Variants in MAST4 observed in about 807,000 individuals in gnomAD.
MAST4 encodes the protein microtubule-associated serine/threonine-protein kinase 4.
MAST4 carries 89 observed loss-of-function variants against 162.7 expected under a neutral mutation model. The ratio of observed to expected loss-of-function variants is 0.55; its 90% confidence interval spans 0.46 to 0.65. The LOEUF is 0.65. MAST4 is among the 30% of genes least tolerant of loss of function. The pLI is 0.00. For missense variants in MAST4, 3,153 were observed against 3,374.0 expected (o/e 0.93, Z 1.62); for synonymous variants, 1,479 against 1,361.1 (o/e 1.09, Z -1.91).
At chr5:66,794,803 T>C (rs1755572165) in intron 3 of MAST4, among the ~76,000 whole-genome samples, 1 of 152,208 alleles carries the variant, frequency 6.6e-6, no homozygotes, top group African/African-American at 2.4e-5. Flanking sequence ...ATCGTATACG[T>C]TTCTTTCAAT....
chr5:66,960,543 C>T (rs1243006577), intron 4 of MAST4, among the ~76,000 whole-genome samples: 1 of 151,884 alleles, frequency 6.6e-6, no homozygotes, highest in African/African-American at 2.4e-5. Context: ...TGCACTCATT[C>T]TTCTACTTAA....
intron 3 of MAST4, among the ~76,000 whole-genome samples, chr5:66,858,222 C>G (rs1759830496): frequency 6.6e-6 from 1 of 152,178 alleles, no homozygotes; most frequent in Non-Finnish European, 1.5e-5. Context: ...CCAGGCTGGT[C>G]TCAAACTCCT....
chr5:66,948,468 A>T (rs528654428), intron 4 of MAST4, among the ~76,000 whole-genome samples: 1 of 152,224 alleles, frequency 6.6e-6, no homozygotes, highest in East Asian at 1.9e-4. Flanking sequence ...TGAAACCCAG[A>T]GCCTTTTGTT....
chr5:66,964,345 A>G (rs1162621471), intron 4 of MAST4, among the ~76,000 whole-genome samples: 1 of 152,234 alleles, frequency 6.6e-6, no homozygotes, highest in Non-Finnish European at 1.5e-5. Flanking sequence ...ATAGTTTGTT[A>G]TAAGAATACA....
chr5:67,149,596 A>G lies in MAST4; in HGVS notation c.3295+7A>G, dbSNP rs774622047. 28 of 1,612,636 alleles carry G rather than the reference A, an allele frequency of 1.7e-5. 1 individual carries two copies. The Middle Eastern group carries it at 6.6e-4, about 38-fold the overall frequency. On this transcript the variant is annotated splice_region_variant and intron_variant, in intron 24 of 28. Transcript: ENST00000403625. ...TCCCTCATGATCCCAGGAGGTAGAG[A>G]GATACTACTTGCATGAAATTGTGTG...
At chr5:66,881,716 T>C (rs1194775222) in intron 3 of MAST4, among the ~76,000 whole-genome samples, 3 of 152,168 alleles carry the variant, frequency 2.0e-5, no homozygotes, top group Admixed American at 6.5e-5. Flanking sequence ...AATTTAAAGG[T>C]GAAAAGATCA....
chr5:66,942,559 G>C (rs751284501), intron 4 of MAST4, among the ~76,000 whole-genome samples: 2 of 152,136 alleles, frequency 1.3e-5, no homozygotes, highest in African/African-American at 2.4e-5. Context: ...CATGCAGTGT[G>C]AAATATCACT....
chr5:66,992,354 C>T (rs895779700), intron 4 of MAST4, among the ~76,000 whole-genome samples: 10 of 152,174 alleles, frequency 6.6e-5, no homozygotes, highest in Non-Finnish European at 1.5e-5. Context: ...CGCATCTTCA[C>T]TTCCGGTTTT....
intron 1 of MAST4, among the ~76,000 whole-genome samples, chr5:66,626,129 A>G (rs1017531327): frequency 6.6e-5 from 8 of 120,830 alleles, no homozygotes; most frequent in Admixed American, 8.1e-5. Context: ...ATGGGATGAT[A>G]TTAGTCAAAG....
At chr5:67,077,800 A>G (rs116838254) in intron 5 of MAST4, among the ~76,000 whole-genome samples, 1,660 of 152,310 alleles carry the variant, frequency 0.011, 27 homozygotes, top group African/African-American at 0.038. Flanking sequence ...GAATTAAACC[A>G]TAAAAGTACT....
At chr5:66,789,673 C>T (rs1755293390) in intron 3 of MAST4, 1 of 515,904 alleles carries the variant, frequency 1.9e-6, no homozygotes, top group Non-Finnish European at 3.9e-6. Context: ...CCATCTGCCC[C>T]TCTCTGTGAT....
intron 1 of MAST4, among the ~76,000 whole-genome samples, chr5:66,692,230 C>T (rs1404583647): frequency 6.6e-6 from 1 of 152,118 alleles, no homozygotes; most frequent in Non-Finnish European, 1.5e-5. Flanking sequence ...GAGAAGCATC[C>T]CAAGAGTTAT....
At chr5:66,626,178 G>C (rs1030245655) in intron 1 of MAST4, among the ~76,000 whole-genome samples, 2 of 152,080 alleles carry the variant, frequency 1.3e-5, no homozygotes, top group African/African-American at 2.4e-5. Context: ...AAGTTCTGAA[G>C]ATCTAATGTA....
At chr5:67,103,162 A>G (rs1765215630) in intron 9 of MAST4, among the ~76,000 whole-genome samples, 1 of 152,182 alleles carries the variant, frequency 6.6e-6, no homozygotes, top group African/African-American at 2.4e-5. Context: ...TTGAGAGAGC[A>G]ATTGTGAAGG....
chr5:67,106,502 A>G lies in MAST4; in HGVS notation c.1356+1927A>G, dbSNP rs181757480. Among the ~76,000 whole-genome samples, 208 of 152,286 alleles carry G rather than the reference A, an allele frequency of 1.4e-3. 1 individual carries two copies. The South Asian group carries it at 0.025, about 19-fold the overall frequency. ...TCATCAAGCAACCCATTAGACCTTCATAGTTTACTTCCTAAATATTTCTAC... is the reference window on the plus strand; with the variant it reads ...TCATCAAGCAACCCATTAGACCTTCGTAGTTTACTTCCTAAATATTTCTAC... On this transcript the variant is annotated intron_variant, in intron 10 of 28. Coordinates refer to ENST00000403625, the MANE Select transcript of MAST4 (RefSeq NM_001164664.2).
intron 17 of MAST4, 115 bp from the exon 18 acceptor site, chr5:67,134,408 G>T: frequency 2.6e-6 from 2 of 763,278 alleles, no homozygotes; most frequent in Non-Finnish European, 4.1e-6. Flanking sequence ...TGTCCATGTG[G>T]TTCCATGTGG....
At chr5:67,049,023 G>GTGTATATATATACACGTATA (rs1554087405) in intron 4 of MAST4, among the ~76,000 whole-genome samples, 5 of 85,662 alleles carry the variant, frequency 5.8e-5, no homozygotes, top group South Asian at 3.6e-4. Context: ...ATATATATAC[G>GTGTATATATATACACGTATA]TATATATATA....
At chr5:67,070,155 G>A (rs1760773792) in intron 5 of MAST4, among the ~76,000 whole-genome samples, 1 of 152,104 alleles carries the variant, frequency 6.6e-6, no homozygotes, top group African/African-American at 2.4e-5. Flanking sequence ...TAGGAAATGT[G>A]GGTTATCATT....
At chr5:66,865,149 T>C (rs563930113) in intron 3 of MAST4, among the ~76,000 whole-genome samples, 1 of 152,276 alleles carries the variant, frequency 6.6e-6, no homozygotes, top group African/African-American at 2.4e-5. Flanking sequence ...GAAGGTGGAT[T>C]TGGTGGGCAA....
Sources: allele counts gnomAD v4.1 joint callset (sites outside exome capture counted in the v4.1 genomes callset), GRCh38; gene constraint gnomAD v4.1.1; transcripts MANE v1.5; gene names NCBI Gene and HGNC (gene_info 2026-07-23, HGNC 2026-07-21).